KATNIP: variants seen among roughly 807,000 people sequenced by gnomAD.
KATNIP encodes katanin-interacting protein.
KATNIP carries 126 observed loss-of-function variants against 174.0 expected under a neutral mutation model. The observed-to-expected ratio is 0.72, with a 90% CI of 0.63 to 0.84. The LOEUF (loss-of-function observed/expected upper bound fraction) is 0.84. Ranked by LOEUF, KATNIP falls within the 40% of genes least tolerant of loss-of-function variation. The pLI is 0.00. For missense variants in KATNIP, 1,958 were observed against 2,109.7 expected (o/e 0.93, Z 1.41); for synonymous variants, 810 against 835.7 (o/e 0.97, Z 0.53).
In KATNIP at chr16:27,583,110, A is replaced by G. The variant is rs555599513; in HGVS notation, c.63+9154A>G. Among the ~76,000 whole-genome samples, 5 of 152,328 alleles carry G rather than the reference A, an allele frequency of 3.3e-5. No homozygotes were observed. In the East Asian group the frequency reaches 9.7e-4, roughly 29 times the overall value. ...AACAGGGCCAAGACTCCAGTGCCGA[A>G]AAGCAAAGAGAATCAATTTCTGATA... is the stretch of plus-strand genomic sequence containing the variant. On this transcript the variant is annotated intron_variant, in intron 2 of 27. Transcript: ENST00000261588.
intron 1 of KATNIP, among the ~76,000 whole-genome samples, chr16:27,558,955 A>G (rs1231336005): frequency 1.3e-5 from 2 of 152,230 alleles, no homozygotes; most frequent in African/African-American, 4.8e-5. Flanking sequence ...GTGTGTGGCC[A>G]GGTTCTCACA....
At chr16:27,583,702 G>A (rs16976880) in intron 2 of KATNIP, among the ~76,000 whole-genome samples, 2,160 of 152,366 alleles carry the variant, frequency 0.014, 17 homozygotes, top group Non-Finnish European at 0.024. Context: ...AGCTTTAGTA[G>A]TGTCCACAGG....
At chr16:27,684,926 G>A (rs2078469851) in intron 8 of KATNIP, among the ~76,000 whole-genome samples, 1 of 152,072 alleles carries the variant, frequency 6.6e-6, no homozygotes, top group Admixed American at 6.6e-5. Context: ...TAGGGGTTAG[G>A]GCCTCAATGA....
intron 8 of KATNIP, among the ~76,000 whole-genome samples, chr16:27,682,270 C>G (rs2078373235): frequency 6.6e-6 from 1 of 152,176 alleles, no homozygotes; most frequent in African/African-American, 2.4e-5. Context: ...CAGCCACTAT[C>G]GTAAGCTTTT....
chr16:27,651,069 G>T (rs1302760122), intron 6 of KATNIP, among the ~76,000 whole-genome samples: 1 of 152,124 alleles, frequency 6.6e-6, no homozygotes, highest in African/African-American at 2.4e-5. Context: ...CAAGCAAGAG[G>T]CCATGGTAGT....
rs1039696117 is a variant in KATNIP, at chr16:27,761,553, C to T, written c.3772C>T (p.Leu1258Phe). The part of the protein sequence containing the change: ...ISASPRDLNE[L>F]PEYSDDSRAL... ...TGCTTCCCCCAGAGACTTAAATGAG[C>T]TCCCCGAGTACTCTGACGACTCCCG... The change falls in exon 19 of 28, where the codon CTC becomes TTC. Residue 1258 changes from leucine (L) to phenylalanine (F), a missense_variant. Physicochemically the swap from Leu to Phe is conservative, Grantham distance 22 (BLOSUM62 0). Transcript: ENST00000261588. 2 of 1,614,014 alleles carry T rather than the reference C, an allele frequency of 1.2e-6. No homozygotes were observed. Among genetic ancestry groups the T allele is most frequent in the African/African-American group, 1.3e-5 (1 of 74,934 alleles).
intron 3 of KATNIP, among the ~76,000 whole-genome samples, chr16:27,625,876 G>A (rs1430142323): frequency 6.7e-6 from 1 of 149,778 alleles, no homozygotes; most frequent in Admixed American, 6.7e-5. Context: ...TGGAGACAAG[G>A]TCTCTGTCTG....
At chr16:27,674,228 T>G (rs534834442) in intron 6 of KATNIP, among the ~76,000 whole-genome samples, 1 of 152,372 alleles carries the variant, frequency 6.6e-6, no homozygotes, top group East Asian at 1.9e-4. Context: ...TCGTTTCCTA[T>G]TTGCTGCTGT....
rs750894792 is a variant in KATNIP at position 27,662,049 on chromosome 16, CAT to C, written c.540+13336_540+13337del. On this transcript the variant is annotated intron_variant, in intron 6 of 27. Transcript: ENST00000261588. ...ATATATATATATATATATACACATA[CAT>C]ATATATATATATATATATATACACA... Among the ~76,000 whole-genome samples, 56 of 8,628 alleles carry C rather than the reference CAT, an allele frequency of 6.5e-3. 16 individuals carry two copies. Among genetic ancestry groups the C allele is most frequent in the African/African-American group, 0.011 (14 of 1,326 alleles). The allele number at this position is 8,628 out of a possible 152,430, so 5.7% of individuals were successfully genotyped here.
At chr16:27,621,959 A>T (rs2076208744) in intron 3 of KATNIP, among the ~76,000 whole-genome samples, 1 of 152,106 alleles carries the variant, frequency 6.6e-6, no homozygotes, top group African/African-American at 2.4e-5. Context: ...CATGAGATTT[A>T]GAGGGGTCAT....
At chr16:27,609,997 C>T (rs1039918684) in intron 2 of KATNIP, among the ~76,000 whole-genome samples, 2 of 152,004 alleles carry the variant, frequency 1.3e-5, no homozygotes, top group African/African-American at 4.8e-5. Flanking sequence ...GGGAGCTTGG[C>T]GGGTGTTGAG....
At chr16:27,737,319 T>C (rs992290788) in intron 14 of KATNIP, among the ~76,000 whole-genome samples, 6 of 151,904 alleles carry the variant, frequency 3.9e-5, no homozygotes, top group African/African-American at 1.5e-4. Flanking sequence ...GAAATTCAGG[T>C]TGCAGTGAAC....
chr16:27,662,519 C>G (rs570827615), intron 6 of KATNIP, among the ~76,000 whole-genome samples: 1 of 152,108 alleles, frequency 6.6e-6, no homozygotes, highest in Non-Finnish European at 1.5e-5. Context: ...CAGCACAGGG[C>G]AAGCTGAGCA....
chr16:27,584,406 G>T (rs1248337691), intron 2 of KATNIP, among the ~76,000 whole-genome samples: 1 of 152,072 alleles, frequency 6.6e-6, no homozygotes, highest in Non-Finnish European at 1.5e-5. Flanking sequence ...TCAGGATACT[G>T]GTGCCAGAAA....
intron 2 of KATNIP, among the ~76,000 whole-genome samples, chr16:27,574,480 G>GT (rs2090415812): frequency 6.6e-6 from 1 of 151,398 alleles, no homozygotes; most frequent in Non-Finnish European, 1.5e-5. Context: ...GGGCTCAAGA[G>GT]TGCAGGAGTG....
chr16:27,706,754 G>C (rs1282467105), intron 12 of KATNIP, among the ~76,000 whole-genome samples: 1 of 152,206 alleles, frequency 6.6e-6, no homozygotes, highest in Non-Finnish European at 1.5e-5. Context: ...CTCCCATCTG[G>C]TCCTCCTGCC....
At chr16:27,659,512 C>CAA (rs151176449) in intron 6 of KATNIP, among the ~76,000 whole-genome samples, 6 of 82,682 alleles carry the variant, frequency 7.3e-5, no homozygotes, top group Admixed American at 1.3e-4. Flanking sequence ...CCTGTCTATA[C>CAA]AAAAAAAAAA....
chr16:27,707,366 C>T (rs767740030), intron 12 of KATNIP, among the ~76,000 whole-genome samples: 2 of 152,178 alleles, frequency 1.3e-5, no homozygotes, highest in African/African-American at 2.4e-5. Context: ...ATGGCATTCA[C>T]GCAGGCTCTC....
intron 21 of KATNIP, 87 bp from the exon 22 acceptor site, chr16:27,771,501 C>A: frequency 7.5e-7 from 1 of 1,328,894 alleles, no homozygotes. Flanking sequence ...TGCCATGTTT[C>A]TTCAAAGGCT....
Sources: allele counts gnomAD v4.1 joint callset (sites outside exome capture counted in the v4.1 genomes callset), GRCh38; gene constraint gnomAD v4.1.1; transcripts MANE v1.5; gene names NCBI Gene and HGNC (gene_info 2026-07-23, HGNC 2026-07-21).